The following FAM227B variants were observed in gnomAD, a reference collection of about 807,000 sequenced individuals.
FAM227B encodes family with sequence similarity 227 member B.
Under a neutral mutation model 73.8 loss-of-function variants are expected in FAM227B, and 88 were observed. The observed-to-expected ratio is 1.19, with a 90% CI of 1.00 to 1.42. FAM227B has a LOEUF of 1.42. Among genes scored for constraint, FAM227B ranks in the 40% most tolerant of loss-of-function variants. FAM227B has a pLI of 0.00. For missense variants in FAM227B, 632 were observed against 590.9 expected (o/e 1.07, Z -0.72); for synonymous variants, 210 against 190.5 (o/e 1.10, Z -0.84).
intron 9 of FAM227B, among the ~76,000 whole-genome samples, chr15:49,563,665 C>T (rs1374176949): frequency 6.6e-6 from 1 of 152,008 alleles, no homozygotes; most frequent in Non-Finnish European, 1.5e-5. Flanking sequence ...CAGAACAGGA[C>T]AGATAAGCCA....
At chr15:49,450,992 A>G (rs2052672799) in intron 11 of FAM227B, among the ~76,000 whole-genome samples, 1 of 152,128 alleles carries the variant, frequency 6.6e-6, no homozygotes. Context: ...GGTCAGTGCC[A>G]TCTGTATGTG....
chr15:49,569,011 G>C (rs972550729), intron 8 of FAM227B, among the ~76,000 whole-genome samples: 4 of 151,754 alleles, frequency 2.6e-5, no homozygotes, highest in African/African-American at 9.7e-5. Flanking sequence ...TCTGGTACAG[G>C]GCTTTTCTTT....
intron 11 of FAM227B, chr15:49,485,318 TAATC>T (rs1301131423): frequency 6.6e-6 from 1 of 152,374 alleles, no homozygotes; most frequent in Admixed American, 6.6e-5. Flanking sequence ...TCAAGTAACA[TAATC>T]TATCTTTGTA....
At chr15:49,465,973 T>C (rs574962654) in intron 11 of FAM227B, among the ~76,000 whole-genome samples, 72 of 152,270 alleles carry the variant, frequency 4.7e-4, no homozygotes, top group Middle Eastern at 3.4e-3. Flanking sequence ...AAGCATAAGA[T>C]AGTCTCTTCA....
intron 9 of FAM227B, among the ~76,000 whole-genome samples, chr15:49,552,265 G>T (rs1177494601): frequency 6.6e-6 from 1 of 152,104 alleles, no homozygotes; most frequent in East Asian, 1.9e-4. Flanking sequence ...ACTACTTTGG[G>T]TAAATGTTTT....
intron 13 of FAM227B, among the ~76,000 whole-genome samples, chr15:49,336,417 A>G (rs1252473429): frequency 6.6e-6 from 1 of 152,318 alleles, no homozygotes; most frequent in Middle Eastern, 3.4e-3. Flanking sequence ...ACAGCTCCTC[A>G]GCTTGTGTTA....
chr15:49,406,749 C>A (rs2048540676), intron 11 of FAM227B, among the ~76,000 whole-genome samples: 1 of 152,024 alleles, frequency 6.6e-6, no homozygotes, highest in Admixed American at 6.6e-5. Flanking sequence ...GCAAGGAAAG[C>A]AAAACCCACC....
chr15:49,599,842 G>T (rs2077083118), intron 3 of FAM227B, among the ~76,000 whole-genome samples: 2 of 151,990 alleles, frequency 1.3e-5, no homozygotes, highest in African/African-American at 4.8e-5. Flanking sequence ...ATCCATCCTG[G>T]AGAATTTTCT....
chr15:49,331,173 T>C lies in FAM227B; in HGVS notation c.1419+607A>G, dbSNP rs541318630. The C allele has an allele frequency of 7.9e-5, 12 of 152,400 alleles. No homozygotes were observed. The East Asian group carries it at 1.7e-3, about 22-fold the overall frequency. 9.4% of individuals were successfully genotyped at this position (152,400 alleles called of 1,614,324 possible). The stretch of plus-strand genomic sequence containing the variant: ...ACATGCTGAAAGTAAAAGGCTCTCC[T>C]CTATCCCTGACCTCCAATTGTCCAG... On this transcript the variant is annotated intron_variant, in intron 15 of 15. Coordinates refer to ENST00000299338, the MANE Select transcript of FAM227B (RefSeq NM_152647.3).
At position 49,398,143 on chromosome 15, in the gene FAM227B, T is replaced by A. The variant is rs895230349; in HGVS notation, c.1013-26744A>T. 8.6e-5 allele frequency among the ~76,000 whole-genome samples: 13 copies of A among 152,016 alleles called. 1 individual carries two copies. Among genetic ancestry groups the A allele is most frequent in the African/African-American group, 2.2e-4 (9 of 41,450 alleles). ...ACACACATAGGCTCAAAATAAAAGG[T>A]TGGAGGAAGATCTACCAAGCCAATG... On this transcript the variant is annotated intron_variant, in intron 11 of 15. Transcript: ENST00000299338.
chr15:49,359,364 T>C (rs2043765470), intron 13 of FAM227B, among the ~76,000 whole-genome samples: 1 of 119,170 alleles, frequency 8.4e-6, no homozygotes, highest in African/African-American at 3.2e-5. Flanking sequence ...ATATCCAGAA[T>C]CTACAATAAA....
intron 11 of FAM227B, among the ~76,000 whole-genome samples, chr15:49,387,015 C>G (rs1448966810): frequency 6.6e-6 from 1 of 151,460 alleles, no homozygotes; most frequent in Non-Finnish European, 1.5e-5. Flanking sequence ...AAATTGTCAA[C>G]AAAATAAAAG....
At chr15:49,380,256 T>C (rs1415302735) in intron 11 of FAM227B, among the ~76,000 whole-genome samples, 2 of 152,280 alleles carry the variant, frequency 1.3e-5, no homozygotes, top group East Asian at 1.9e-4. Flanking sequence ...CTGCCTGGCC[T>C]GGGCCTCACC....
At chr15:49,395,333 C>T (rs1187498371) in intron 11 of FAM227B, among the ~76,000 whole-genome samples, 3 of 152,012 alleles carry the variant, frequency 2.0e-5, no homozygotes, top group Admixed American at 6.6e-5. Context: ...TTCTTGTAGG[C>T]AATGTTTCCA....
At chr15:49,396,941 T>C (rs2047716558) in intron 11 of FAM227B, among the ~76,000 whole-genome samples, 1 of 152,004 alleles carries the variant, frequency 6.6e-6, no homozygotes, top group African/African-American at 2.4e-5. Flanking sequence ...GCAGAGCGCC[T>C]CTCCTCCTTC....
At chr15:49,362,718 T>C (rs977817328) in intron 13 of FAM227B, among the ~76,000 whole-genome samples, 1 of 152,062 alleles carries the variant, frequency 6.6e-6, no homozygotes, top group African/African-American at 2.4e-5. Flanking sequence ...CAGAATGGTA[T>C]GTCCTAGGTT....
At chr15:49,533,379 G>C (rs2060765168) in intron 10 of FAM227B, among the ~76,000 whole-genome samples, 1 of 151,858 alleles carries the variant, frequency 6.6e-6, no homozygotes. Context: ...GTATATGTCT[G>C]TTAGGTCCAT....
chr15:49,609,921 C>T (rs1025734192), intron 3 of FAM227B, among the ~76,000 whole-genome samples: 4 of 151,804 alleles, frequency 2.6e-5, no homozygotes, highest in African/African-American at 9.7e-5. Context: ...CCTGATAAAA[C>T]TTGAAGGCTA....
intron 11 of FAM227B, among the ~76,000 whole-genome samples, chr15:49,433,919 A>G (rs1428772032): frequency 6.6e-6 from 1 of 151,756 alleles, no homozygotes; most frequent in African/African-American, 2.4e-5. Flanking sequence ...TTAATAATTA[A>G]ATGAGCTATA....
Sources: gnomAD v4.1 joint callset for allele counts (sites outside exome capture counted in the v4.1 genomes callset) on GRCh38, gnomAD v4.1.1 for gene constraint, MANE v1.5 for transcripts, NCBI Gene and HGNC (gene_info 2026-07-23, HGNC 2026-07-21) for gene names.